The following SOX5 variants were observed in gnomAD, a reference collection of about 807,000 sequenced individuals.
SOX5 encodes the protein SRY-box transcription factor 5.
SOX5 carries 9 observed loss-of-function variants against 92.0 expected under a neutral mutation model. The ratio of observed to expected loss-of-function variants is 0.10; its 90% CI spans 0.06 to 0.17. The LOEUF is 0.17. SOX5 is among the 10% of genes least tolerant of loss of function. SOX5 has a pLI of 1.00. For synonymous variants in SOX5, 344 were observed against 336.3 expected, an observed-to-expected ratio of 1.02 and a Z score of -0.25; for missense variants, 642 against 944.5, an observed-to-expected ratio of 0.68 and a Z score of 4.20.
chr12:23,871,284 C>CA (rs1437964658), intron 2 of SOX5, among the ~76,000 whole-genome samples: 1 of 152,104 alleles, frequency 6.6e-6, no homozygotes, highest in East Asian at 1.9e-4. Context: ...ATGTAACACA[C>CA]AAAATGAATT....
intron 8 of SOX5, among the ~76,000 whole-genome samples, chr12:23,639,928 C>T (rs1349828747): frequency 6.6e-6 from 1 of 152,164 alleles, no homozygotes; most frequent in South Asian, 2.1e-4. Flanking sequence ...TTAAGTATAA[C>T]TGCTTTATCT....
rs16927127 is a variant in SOX5 at position 24,060,561 on chromosome 12, T to A, written c.-2+152782A>T. 5.5e-3 allele frequency among the ~76,000 whole-genome samples: 832 copies of A among 152,340 alleles called. 8 individuals are homozygous for A. The highest frequency in any genetic ancestry group is 0.019 in the African/African-American group (804 of 41,578). ...ATCAGTTGTTTTGTCCTGACTGGCA[T>A]GTCTCCTGGTAAAAGACCCATCTTT... On this transcript the variant is annotated intron_variant, in intron 4 of 4. Transcript: ENST00000446891.
intron 11 of SOX5, among the ~76,000 whole-genome samples, chr12:23,559,053 C>G (rs1461364911): frequency 1.3e-5 from 2 of 152,170 alleles, no homozygotes; most frequent in African/African-American, 4.8e-5. Context: ...GTCTGTTTCT[C>G]ATTTCGGCTG....
Position 23,617,924 on chromosome 12 carries a change from A to T in SOX5, c.1018-13391T>A, listed in dbSNP as rs533173856. Among the ~76,000 whole-genome samples, 4 of 152,282 alleles carry T rather than the reference A, an allele frequency of 2.6e-5. No individual in the cohort carries two copies. In the East Asian group the frequency reaches 7.7e-4, roughly 29 times the overall value. ...TCCCTGTATTTCTACTCCATAAGCC[A>T]TCTTCGTGTACTGCACAGTAATCCA... is the stretch of plus-strand genomic sequence containing the variant. On this transcript the variant is annotated intron_variant, in intron 8 of 14. Transcript: ENST00000451604.
intron 4 of SOX5, among the ~76,000 whole-genome samples, chr12:24,104,860 T>C (rs1400909035): frequency 6.6e-6 from 1 of 152,226 alleles, no homozygotes; most frequent in Non-Finnish European, 1.5e-5. Context: ...GCCAAACAAT[T>C]TGGAACCTTG....
chr12:23,963,326 AT>A (rs1231135383), intron 4 of SOX5, among the ~76,000 whole-genome samples: 3 of 152,232 alleles, frequency 2.0e-5, no homozygotes, highest in African/African-American at 7.2e-5. Context: ...CAAAGGAGAC[AT>A]CACTTATGTT....
chr12:23,907,582 G>A (rs1258051125), intron 1 of SOX5, among the ~76,000 whole-genome samples: 1 of 151,654 alleles, frequency 6.6e-6, no homozygotes, highest in African/African-American at 2.4e-5. Flanking sequence ...ATTTTTTCAT[G>A]TTATCCTTAT....
At position 24,059,586 on chromosome 12, in the gene SOX5, G is replaced by A. The variant is rs943484436; in HGVS notation, c.-2+153757C>T. Among the ~76,000 whole-genome samples, 41 of 152,020 alleles carry A rather than the reference G, an allele frequency of 2.7e-4. 1 individual carries two copies. The highest frequency in any genetic ancestry group is 7.2e-4 in the Admixed American group (11 of 15,272). Reference sequence around the variant, plus strand: ...GCCCAGGAAGGACTCTTCTCAGCAGGTGTGTGTGTGTGATGGGGAATGGCA... The same window carrying A: ...GCCCAGGAAGGACTCTTCTCAGCAGATGTGTGTGTGTGATGGGGAATGGCA... On this transcript the variant is annotated intron_variant, in intron 4 of 4. Coordinates refer to the SOX5 transcript ENST00000446891.
At chr12:24,155,787 TG>T (rs1424818923) in intron 4 of SOX5, among the ~76,000 whole-genome samples, 2 of 152,080 alleles carry the variant, frequency 1.3e-5, no homozygotes, top group Non-Finnish European at 2.9e-5. Flanking sequence ...AGAAAGTACA[TG>T]GTTAAGCATG....
At chr12:24,116,976 A>G (rs1948078923) in intron 4 of SOX5, among the ~76,000 whole-genome samples, 1 of 130,256 alleles carries the variant, frequency 7.7e-6, no homozygotes, top group Non-Finnish European at 1.6e-5. Flanking sequence ...AAAAATGCAA[A>G]AAAAAAAAAA....
chr12:24,267,790 T>C (rs1943207175), intron 3 of SOX5, among the ~76,000 whole-genome samples: 1 of 152,230 alleles, frequency 6.6e-6, no homozygotes, highest in African/African-American at 2.4e-5. Flanking sequence ...TCATTACAAA[T>C]GATTGCTGGA....
chr12:23,949,705 CTG>C, upstream of SOX5: 5 of 1,580,490 alleles, frequency 3.2e-6, no homozygotes, highest in Non-Finnish European at 4.3e-6. Context: ...GATTTTCTCT[CTG>C]TCTCTTCCCC....
intron 1 of SOX5, among the ~76,000 whole-genome samples, chr12:24,490,347 A>G (rs1946930303): frequency 6.6e-6 from 1 of 152,226 alleles, no homozygotes. Context: ...TGTTCTCAAG[A>G]TGGGCATTGA....
chr12:24,056,974 C>CAAAAAAAAAAA (rs60085412), intron 4 of SOX5, among the ~76,000 whole-genome samples: 493 of 36,716 alleles, frequency 0.013, 15 homozygotes, highest in Middle Eastern at 0.04. Flanking sequence ...GACTCCGTCT[C>CAAAAAAAAAAA]AAAAAAAAAA....
rs566903029 is a variant in SOX5, at chr12:24,424,539, G to A, written c.-250-55900C>T. Among the ~76,000 whole-genome samples, 3 of 152,118 alleles carry A rather than the reference G, an allele frequency of 2.0e-5. No homozygotes were observed. In the East Asian group the frequency reaches 5.8e-4, roughly 29 times the overall value. On this transcript the variant is annotated intron_variant, in intron 1 of 4. Transcript: ENST00000446891. The stretch of plus-strand genomic sequence containing the variant: ...CAAGCAAAAGCAACCAACAGCTTGG[G>A]GGCACTTGTCTTCCCCCCACCCCCC...
At chr12:23,823,724 C>A (rs112239098) in intron 3 of SOX5, among the ~76,000 whole-genome samples, 3,082 of 152,186 alleles carry the variant, frequency 0.02, 53 homozygotes, top group Middle Eastern at 0.044. Flanking sequence ...CAATTAGGTT[C>A]TATTCTCCCC....
chr12:23,771,776 C>T (rs545940831), intron 3 of SOX5, among the ~76,000 whole-genome samples: 2 of 152,330 alleles, frequency 1.3e-5, no homozygotes, highest in African/African-American at 4.8e-5. Flanking sequence ...CACTTTCTCT[C>T]TGCAAGTTAA....
At chr12:23,599,495 G>T (rs370474550) in intron 9 of SOX5, among the ~76,000 whole-genome samples, 83 of 152,316 alleles carry the variant, frequency 5.4e-4, no homozygotes, top group African/African-American at 1.9e-3. Context: ...TCACGGCAAG[G>T]TTAAAAGAAA....
chr12:23,665,883 C>T (rs970145404), intron 6 of SOX5, among the ~76,000 whole-genome samples: 4 of 152,122 alleles, frequency 2.6e-5, no homozygotes, highest in South Asian at 2.1e-4. Context: ...AATGAAATGG[C>T]TAAAAAATTA....
Sources: gnomAD v4.1 joint callset for allele counts (sites outside exome capture counted in the v4.1 genomes callset) on GRCh38, gnomAD v4.1.1 for gene constraint, MANE v1.5 for transcripts, NCBI Gene and HGNC (gene_info 2026-07-23, HGNC 2026-07-21) for gene names.